The following ACACB variants were observed in gnomAD, a reference collection of about 807,000 sequenced individuals.
The protein encoded by ACACB is acetyl-CoA carboxylase beta.
A neutral mutation model predicts 278.8 loss-of-function variants in ACACB; 209 were observed. The ratio of observed to expected loss-of-function variants is 0.75; its 90% CI spans 0.67 to 0.84. The LOEUF (loss-of-function observed/expected upper bound fraction) is 0.84, where lower values mean the gene tolerates loss of function less well. Among genes scored for constraint, ACACB ranks in the 40% least tolerant of loss-of-function variants. ACACB has a pLI of 0.00. For missense variants in ACACB, 2,850 were observed against 3,269.0 expected (o/e 0.87, Z 3.13); for synonymous variants, 1,174 against 1,285.6 (o/e 0.91, Z 1.86).
At chr12:109,172,202 G>T (rs755949542) in intron 5 of ACACB, 73 bp from the exon 6 acceptor site, 39 of 1,443,426 alleles carry the variant, frequency 2.7e-5, no homozygotes, top group Non-Finnish European at 3.8e-5. Context: ...GGTTATAGGC[G>T]TGAGTTACTG....
chr12:109,247,844 T>C (rs2046990818), intron 40 of ACACB, 141 bp downstream of exon 40: 2 of 657,262 alleles, frequency 3.0e-6, no homozygotes, highest in Non-Finnish European at 5.4e-6. Context: ...GGGGCACTGA[T>C]GCCTTAAACA....
chr12:109,233,760 A>G lies in ACACB; in HGVS notation c.4152A>G (p.Glu1384=), dbSNP rs763215607. 4.0e-5 allele frequency: 64 copies of G among 1,613,926 alleles called. No individual in the cohort carries two copies. The South Asian group carries it at 5.9e-4, about 15-fold the overall frequency. The change falls in exon 30 of 53, where the codon GAA becomes GAG. Residue 1384 remains glutamate, a synonymous_variant. Coordinates refer to ENST00000338432, the MANE Select transcript of ACACB (RefSeq NM_001093.4). ...RFEDFTRNFD[E]VISCFANVPK... ...CCCGCACCCCCAGAAATTTTGATGA[A>G]GTCATCTCTTGCTTCGCCAACGTGC...
At position 109,185,650 on chromosome 12, in the gene ACACB, G is replaced by T; in HGVS notation, c.1890G>T (p.Val630=). 1 of 1,613,890 alleles carries T rather than the reference G, an allele frequency of 6.2e-7. No individual in the cohort carries two copies. The highest frequency in any genetic ancestry group is 8.5e-7 in the Non-Finnish European group (1 of 1,179,936). ...TGTATGGAGAGTCACCATGGGGAGTGACTCCCATTTCTTTTGAAACCCCCT... is the reference window on the plus strand; with the variant it reads ...TGTATGGAGAGTCACCATGGGGAGTTACTCCCATTTCTTTTGAAACCCCCT... The part of the protein sequence containing the change: ...RLLYGESPWG[V]TPISFETPSN... The change falls in exon 12 of 53, where the codon GTG becomes GTT. Residue 630 remains valine, a synonymous_variant. Transcript: ENST00000338432.
At chr12:109,245,581 C>T in intron 37 of ACACB, 45 bp from the exon 38 acceptor site, 2 of 1,599,802 alleles carry the variant, frequency 1.3e-6, no homozygotes, top group Non-Finnish European at 1.7e-6. Context: ...TAGTTCTTCC[C>T]TACTGATGAC....
chr12:109,216,363 C>T (rs528936747), intron 22 of ACACB, among the ~76,000 whole-genome samples: 15 of 151,766 alleles, frequency 9.9e-5, no homozygotes, highest in East Asian at 1.9e-4. Flanking sequence ...CTGGGACTAC[C>T]GGCGCGTGCC....
At chr12:109,141,818 T>C (rs1489001189) in intron 2 of ACACB, among the ~76,000 whole-genome samples, 1 of 152,164 alleles carries the variant, frequency 6.6e-6, no homozygotes, top group Non-Finnish European at 1.5e-5. Context: ...CAGAATCTAG[T>C]ACAAAGAGCA....
At chr12:109,122,572 C>CAAAAA (rs59516728) in intron 1 of ACACB, among the ~76,000 whole-genome samples, 10 of 61,848 alleles carry the variant, frequency 1.6e-4, no homozygotes, top group African/African-American at 4.6e-4. Context: ...GACATTGTCT[C>CAAAAA]AAAAAAAAAA....
At position 109,241,080 on chromosome 12, in the gene ACACB, C is replaced by G. The variant is rs776234149; in HGVS notation, c.4821C>G (p.Ile1607Met). ...GGAATTGCTGTGTTTTGGGGCAGATCGAGGAGTCCGTGCGCTACATGGTTA... is the reference window on the plus strand; with the variant it reads ...GGAATTGCTGTGTTTTGGGGCAGATGGAGGAGTCCGTGCGCTACATGGTTA... ...VPTVIMDPFK[I>M]EESVRYMVMR... Residue 1607 changes from isoleucine to methionine, a missense_variant and splice_region_variant, in exon 36 of 53, where the codon ATC (isoleucine) becomes ATG (methionine). Transcript: ENST00000338432. 1.9e-6 allele frequency: 3 copies of G among 1,613,598 alleles called. No homozygotes were observed. The highest frequency in any genetic ancestry group is 1.7e-5 in the Admixed American group (1 of 60,012).
At position 109,197,164 on chromosome 12, in the gene ACACB, G is replaced by A; in HGVS notation, c.2627+11G>A. On this transcript the variant is annotated intron_variant, in intron 17 of 52. Coordinates refer to ENST00000338432, the MANE Select transcript of ACACB (RefSeq NM_001093.4). Reference sequence around the variant, plus strand: ...GGAAGAGGTTGACAGGTGCGTGGGGGTGCGAGTCCCACTGTGGGCTGGGCA... The same window carrying A: ...GGAAGAGGTTGACAGGTGCGTGGGGATGCGAGTCCCACTGTGGGCTGGGCA... 3.8e-6 allele frequency: 6 copies of A among 1,598,626 alleles called. No homozygotes were observed. Among genetic ancestry groups the A allele is most frequent in the East Asian group, 2.3e-5 (1 of 43,382 alleles).
At chr12:109,193,274 A>G (rs1161114275) in intron 15 of ACACB, among the ~76,000 whole-genome samples, 1 of 146,370 alleles carries the variant, frequency 6.8e-6, no homozygotes, top group Non-Finnish European at 1.5e-5. Flanking sequence ...CTGGAGTGCA[A>G]TGGTGTGATC....
Position 109,179,999 on chromosome 12 carries a change from A to G in ACACB, c.1730A>G (p.His577Arg). 2.5e-6 allele frequency: 4 copies of G among 1,613,866 alleles called. No individual in the cohort carries two copies. Among genetic ancestry groups the G allele is most frequent in the Non-Finnish European group, 3.4e-6 (4 of 1,180,028 alleles). The part of the protein sequence containing the change: ...EYLYSQDGSF[H>R]FLELNPRLQV... The stretch of plus-strand genomic sequence containing the variant: ...CTCTATAGTCAGGATGGCAGCTTCC[A>G]CTTCTTGGAGCTGAATCCTCGCTTG... Residue 577 changes from histidine to arginine, a missense_variant, in exon 11 of 53, where the codon CAC (histidine) becomes CGC (arginine). By Grantham distance (29) the His-to-Arg change is conservative (BLOSUM62 0). Around this residue, in one of 3 missense-constraint regions of ACACB, gnomAD observed 2,265 missense variants for 2,561.3 expected, o/e 0.88. Transcript: ENST00000338432.
upstream of ACACB, among the ~76,000 whole-genome samples, chr12:109,115,476 C>T (rs1335402033): frequency 6.6e-6 from 1 of 152,138 alleles, no homozygotes; most frequent in African/African-American, 2.4e-5. Context: ...GTTTGAGAGT[C>T]ACCTCTTTTA....
chr12:109,168,074 C>T, intron 4 of ACACB, 40 bp downstream of exon 4: 1 of 1,569,950 alleles, frequency 6.4e-7, no homozygotes, highest in Non-Finnish European at 8.7e-7. Flanking sequence ...CACGCTCCAT[C>T]CTTGCCTGCC....
intron 45 of ACACB, among the ~76,000 whole-genome samples, chr12:109,256,645 C>T (rs112885143): frequency 9.2e-5 from 14 of 152,272 alleles, no homozygotes; most frequent in African/African-American, 2.4e-4. Context: ...GGCAGCTCAC[C>T]CTTCAGCCTT....
chr12:109,133,424 T>C (rs2042882298), intron 1 of ACACB, among the ~76,000 whole-genome samples: 1 of 151,444 alleles, frequency 6.6e-6, no homozygotes. Flanking sequence ...GGAGACGGGG[T>C]TTCGCCATGT....
chr12:109,261,325 T>C (rs1173027980), intron 48 of ACACB, among the ~76,000 whole-genome samples: 1 of 152,220 alleles, frequency 6.6e-6, no homozygotes, highest in Non-Finnish European at 1.5e-5. Flanking sequence ...TGCCAGCCAT[T>C]CTGGTAGACA....
At chr12:109,194,598 T>C (rs11065802) in intron 16 of ACACB, among the ~76,000 whole-genome samples, 2,074 of 56,052 alleles carry the variant, frequency 0.037, 53 homozygotes, top group African/African-American at 0.074. Context: ...AGCCACCCCC[T>C]GGCCTCTGCC....
intron 12 of ACACB, 76 bp from the exon 13 acceptor site, chr12:109,187,923 C>CCCAGGA: frequency 6.6e-7 from 1 of 1,526,150 alleles, no homozygotes; most frequent in Non-Finnish European, 8.9e-7. Context: ...CTTGGGTTTT[C>CCCAGGA]CCAGGACTGA....
At chr12:109,228,713 T>C (rs2046389103) in intron 28 of ACACB, among the ~76,000 whole-genome samples, 1 of 151,720 alleles carries the variant, frequency 6.6e-6, no homozygotes, top group Non-Finnish European at 1.5e-5. Flanking sequence ...GGCTCATGGC[T>C]GCCATATTAT....
Sources: allele counts gnomAD v4.1 joint callset (sites outside exome capture counted in the v4.1 genomes callset), GRCh38; gene constraint gnomAD v4.1.1; regional missense constraint gnomAD v4.1.1; transcripts MANE v1.5; gene names NCBI Gene and HGNC (gene_info 2026-07-23, HGNC 2026-07-21).